CCDC144A: variants seen among roughly 807,000 people sequenced by gnomAD.
CCDC144A encodes the protein coiled-coil domain containing 144A.
A neutral mutation model predicts 143.8 loss-of-function variants in CCDC144A; 41 were observed. The observed-to-expected ratio is 0.29, with a 90% confidence interval of 0.22 to 0.37. CCDC144A has a LOEUF of 0.37. Ranked by LOEUF, CCDC144A falls within the 10% of genes least tolerant of loss-of-function variation. CCDC144A has a pLI of 1.00. For missense variants in CCDC144A, 637 were observed against 1,488.8 expected (o/e 0.43, Z 9.41); for synonymous variants, 242 against 517.9 (o/e 0.47, Z 7.23).
chr17:16,683,601 A>G, the CCDC144A span: 1 of 1,611,226 alleles, frequency 6.2e-7, no homozygotes, highest in East Asian at 2.2e-5. Context: ...TCCTGCTGCC[A>G]GATTTAAGAA....
At chr17:16,684,708 T>C (rs1294027984), upstream of CCDC144A, among the ~76,000 whole-genome samples, 1 of 151,640 alleles carries the variant, frequency 6.6e-6, no homozygotes, top group Non-Finnish European at 1.5e-5. Context: ...TCCACATCTG[T>C]AACCCAGCAA....
intron 1 of CCDC144A, among the ~76,000 whole-genome samples, chr17:16,691,541 C>T (rs541397100): frequency 6.6e-6 from 1 of 151,898 alleles, no homozygotes; most frequent in South Asian, 2.1e-4. Context: ...GTGGGCGGAT[C>T]ACGAGGTCAG....
At chr17:16,720,131 G>A in intron 6 of CCDC144A, 67 bp from the exon 7 acceptor site, 1 of 1,460,140 alleles carries the variant, frequency 6.8e-7, no homozygotes, top group Non-Finnish European at 9.1e-7. Context: ...TAAAACAGTA[G>A]TGTTAGATAT....
the CCDC144A span, among the ~76,000 whole-genome samples, chr17:16,682,247 GAGAC>G: frequency 6.6e-6 from 1 of 151,722 alleles, no homozygotes; most frequent in African/African-American, 2.4e-5. Context: ...GTGAGATGGA[GAGAC>G]AGAGAGAGAG....
chr17:16,704,145 C>G (rs1326106236), intron 2 of CCDC144A, among the ~76,000 whole-genome samples: 1 of 151,954 alleles, frequency 6.6e-6, no homozygotes, highest in Non-Finnish European at 1.5e-5. Context: ...TTTTTTCTTT[C>G]ACTTGTCTTA....
At chr17:16,741,746 C>T (rs1914266165) in intron 12 of CCDC144A, among the ~76,000 whole-genome samples, 1 of 152,090 alleles carries the variant, frequency 6.6e-6, no homozygotes, top group Non-Finnish European at 1.5e-5. Context: ...CCACACCTGG[C>T]TTCTTTAGAT....
chr17:16,698,619 G>C (rs1205697527), intron 2 of CCDC144A, among the ~76,000 whole-genome samples: 1 of 152,070 alleles, frequency 6.6e-6, no homozygotes, highest in Non-Finnish European at 1.5e-5. Context: ...TTTCTTACCT[G>C]CTTTTTTGTG....
At chr17:16,745,594 C>T (rs1914459382) in intron 12 of CCDC144A, 17 of 1,546,574 alleles carry the variant, frequency 1.1e-5, no homozygotes, top group Non-Finnish European at 1.2e-5. Flanking sequence ...TCTGGGATGC[C>T]CTCGCTCGTC....
At chr17:16,696,916 A>C (rs4792765) in intron 2 of CCDC144A, among the ~76,000 whole-genome samples, 3 of 150,068 alleles carry the variant, frequency 2.0e-5, no homozygotes, top group Non-Finnish European at 4.4e-5. Context: ...TTCTTTACAT[A>C]TTTCTTTTAG....
At chr17:16,746,028 T>G in intron 12 of CCDC144A, 5 of 1,612,056 alleles carry the variant, frequency 3.1e-6, no homozygotes, top group Non-Finnish European at 4.2e-6. Flanking sequence ...CACATCCCTG[T>G]GCTCTTTATC....
chr17:16,718,229 A>T (rs1178598477), intron 6 of CCDC144A, among the ~76,000 whole-genome samples: 4 of 152,216 alleles, frequency 2.6e-5, no homozygotes, highest in Non-Finnish European at 4.4e-5. Flanking sequence ...GGATAAGCAT[A>T]GATACCCCTT....
chr17:16,769,746 A>G (rs1370755339), intron 15 of CCDC144A, among the ~76,000 whole-genome samples: 1 of 151,820 alleles, frequency 6.6e-6, no homozygotes, highest in Admixed American at 6.6e-5. Flanking sequence ...ATAACTTACA[A>G]TTTGGAGAGC....
chr17:16,751,543 C>T (rs1008349782), intron 12 of CCDC144A, among the ~76,000 whole-genome samples: 2 of 152,172 alleles, frequency 1.3e-5, no homozygotes, highest in African/African-American at 4.8e-5. Context: ...GTTCCTGGAA[C>T]TTGGGAGAGC....
At chr17:16,771,170 A>G (rs925358355) in intron 15 of CCDC144A, among the ~76,000 whole-genome samples, 3 of 152,254 alleles carry the variant, frequency 2.0e-5, no homozygotes, top group Non-Finnish European at 4.4e-5. Context: ...AAATATTCTG[A>G]CACCTTTCAT....
At chr17:16,770,795 C>G (rs1008561569) in intron 15 of CCDC144A, among the ~76,000 whole-genome samples, 3 of 151,782 alleles carry the variant, frequency 2.0e-5, no homozygotes, top group Admixed American at 6.6e-5. Flanking sequence ...ATCCCTTAAT[C>G]CTTCAGCATC....
At chr17:16,669,213 A>G in the CCDC144A span, among the ~76,000 whole-genome samples, 1 of 152,248 alleles carries the variant, frequency 6.6e-6, no homozygotes, top group Non-Finnish European at 1.5e-5. Context: ...AAGATTTTGC[A>G]TAATATATGT....
chr17:16,711,285 CAGA>C (rs1332990105), intron 5 of CCDC144A, among the ~76,000 whole-genome samples: 3 of 151,812 alleles, frequency 2.0e-5, no homozygotes, highest in East Asian at 1.9e-4. Flanking sequence ...GTGGCAAAGA[CAGA>C]AGAAGACAAG....
chr17:16,745,484 T>G (rs1389958931), intron 12 of CCDC144A, among the ~76,000 whole-genome samples: 8 of 152,170 alleles, frequency 5.3e-5, no homozygotes, highest in African/African-American at 1.4e-4. Context: ...TTAGAATGGT[T>G]TCTGCGTGTT....
rs1914895477 is a variant in CCDC144A, at chr17:16,753,428, G to GTTTTTTGTTGTTGTTGTTGTTTTTT, written c.3373-7991_3373-7990insGTTGTTGTTGTTGTTTTTTTTTTTT. Among the ~76,000 whole-genome samples the GTTTTTTGTTGTTGTTGTTGTTTTTT allele has an allele frequency of 1.0e-4, 6 of 57,376 alleles. 1 individual carries two copies. The highest frequency in any genetic ancestry group is 8.2e-4 in the East Asian group (1 of 1,214). 37.6% of individuals were successfully genotyped at this position (57,376 alleles called of 152,430 possible). The stretch of plus-strand genomic sequence containing the variant: ...CAATTTCTTTTGTCAGTGTTTTGTA[G>GTTTTTTGTTGTTGTTGTTGTTTTTT]TTTTTTTTTTTTTTTTTTTTTTTTT... On this transcript the variant is annotated intron_variant, in intron 12 of 16. Transcript: ENST00000399273.
Sources: gnomAD v4.1 joint callset for allele counts (sites outside exome capture counted in the v4.1 genomes callset) on GRCh38, gnomAD v4.1.1 for gene constraint, MANE v1.5 for transcripts, NCBI Gene and HGNC (gene_info 2026-07-23, HGNC 2026-07-21) for gene names.